The following ADGRB3 variants were observed in gnomAD, a reference collection of about 807,000 sequenced individuals.
The protein encoded by ADGRB3 is adhesion G protein-coupled receptor B3, also known as brain-specific angiogenesis inhibitor 3.
A neutral mutation model predicts 193.4 loss-of-function variants in ADGRB3; 37 were observed. The ratio of observed to expected loss-of-function variants is 0.19; its 90% CI spans 0.15 to 0.25. The LOEUF is 0.25. ADGRB3 is among the 10% of genes least tolerant of loss of function. The probability of loss-of-function intolerance (pLI) is 1.00; values close to 1 mark genes in which losing one functional copy is unlikely to be tolerated. For synonymous variants in ADGRB3, 690 were observed against 644.2 expected, an observed-to-expected ratio of 1.07 and a Z score of -1.08; for missense variants, 1,637 against 1,852.9, an observed-to-expected ratio of 0.88 and a Z score of 2.14.
intron 10 of ADGRB3, 120 bp downstream of exon 10, chr6:68,975,460 G>T: frequency 1.4e-6 from 1 of 712,388 alleles, no homozygotes. Flanking sequence ...AGAAATGCCT[G>T]AAGGAGAAAG....
chr6:68,997,903 A>AT (rs1222965194), intron 11 of ADGRB3, among the ~76,000 whole-genome samples: 2 of 152,064 alleles, frequency 1.3e-5, no homozygotes, highest in Non-Finnish European at 2.9e-5. Flanking sequence ...AAAAACATTT[A>AT]TTTTTTATAT....
chr6:69,325,153 G>A (rs1259507041), intron 21 of ADGRB3, 131 bp downstream of exon 21: 2 of 1,228,624 alleles, frequency 1.6e-6, no homozygotes, highest in Non-Finnish European at 2.2e-6. Context: ...AAATACATGA[G>A]CTGGTCAGTT....
intron 13 of ADGRB3, among the ~76,000 whole-genome samples, chr6:69,025,523 C>T (rs1770406889): frequency 7.2e-6 from 1 of 139,654 alleles, no homozygotes; most frequent in Non-Finnish European, 1.6e-5. Context: ...CACAATTTAA[C>T]TTTTTTTTTT....
intron 17 of ADGRB3, among the ~76,000 whole-genome samples, chr6:69,134,764 A>G (rs1375850577): frequency 6.6e-6 from 1 of 151,988 alleles, no homozygotes. Context: ...GTGTGTGTAT[A>G]TATATATACC....
At chr6:69,094,875 CT>C (rs1772829220) in intron 17 of ADGRB3, among the ~76,000 whole-genome samples, 1 of 152,092 alleles carries the variant, frequency 6.6e-6, no homozygotes, top group Non-Finnish European at 1.5e-5. Context: ...AAGCAGAATG[CT>C]TATTTAGATC....
chr6:69,150,972 T>A (rs912366429), intron 17 of ADGRB3, among the ~76,000 whole-genome samples: 1 of 152,318 alleles, frequency 6.6e-6, no homozygotes, highest in Admixed American at 6.5e-5. Context: ...TGAGCTAGCA[T>A]CCAAGTTGCA....
At chr6:69,221,672 G>A (rs1187183364) in intron 17 of ADGRB3, among the ~76,000 whole-genome samples, 2 of 152,064 alleles carry the variant, frequency 1.3e-5, no homozygotes, top group Admixed American at 1.3e-4. Context: ...TACTAGTTTT[G>A]TGGAATTTCG....
At chr6:69,091,549 A>G (rs1772709904) in intron 17 of ADGRB3, among the ~76,000 whole-genome samples, 1 of 152,202 alleles carries the variant, frequency 6.6e-6, no homozygotes. Flanking sequence ...ACAGAAAACC[A>G]AATACCACAG....
intron 13 of ADGRB3, among the ~76,000 whole-genome samples, chr6:69,024,208 G>T (rs1770356745): frequency 6.6e-6 from 1 of 152,090 alleles, no homozygotes; most frequent in African/African-American, 2.4e-5. Flanking sequence ...GTAGGTATAA[G>T]GAGTTCCAGG....
intron 3 of ADGRB3, among the ~76,000 whole-genome samples, chr6:68,815,759 A>G (rs1327038799): frequency 6.6e-6 from 1 of 152,110 alleles, no homozygotes; most frequent in Non-Finnish European, 1.5e-5. Context: ...TGCACGAAAT[A>G]AATTTATATT....
chr6:69,167,660 C>T (rs755146755), intron 17 of ADGRB3, among the ~76,000 whole-genome samples: 31 of 151,988 alleles, frequency 2.0e-4, no homozygotes, highest in South Asian at 4.1e-4. Flanking sequence ...GATATATTTG[C>T]GGGTATAAGA....
rs66675226 is a variant in ADGRB3, at chr6:69,011,135, ATGTGTGTG to A, written c.1930-2877_1930-2870del. On this transcript the variant is annotated intron_variant, in intron 11 of 31. Coordinates refer to ENST00000370598, the MANE Select transcript of ADGRB3 (RefSeq NM_001704.3). ...TTAGTATGTGTATATATACATATAT[ATGTGTGTG>A]TGTGTGTGTGTGTGTGTGTGTGTGT... 2.1e-4 allele frequency among the ~76,000 whole-genome samples: 30 copies of A among 145,016 alleles called. No individual in the cohort carries two copies. The East Asian group carries it at 2.6e-3, about 13-fold the overall frequency.
intron 13 of ADGRB3, among the ~76,000 whole-genome samples, chr6:69,047,524 TAC>T (rs1050301402): frequency 2.0e-5 from 3 of 151,644 alleles, no homozygotes; most frequent in African/African-American, 7.2e-5. Flanking sequence ...TATATATTTA[TAC>T]ACACACATTT....
chr6:69,088,355 G>A (rs969027232), intron 17 of ADGRB3, among the ~76,000 whole-genome samples: 1 of 152,020 alleles, frequency 6.6e-6, no homozygotes, highest in Admixed American at 6.6e-5. Context: ...GCAATCTTAT[G>A]TGTTTCTTTG....
intron 3 of ADGRB3, among the ~76,000 whole-genome samples, chr6:68,804,394 C>T (rs1767365410): frequency 6.6e-6 from 1 of 152,118 alleles, no homozygotes; most frequent in Non-Finnish European, 1.5e-5. Flanking sequence ...TCTTGTGTTG[C>T]CTTTGCACCT....
intron 11 of ADGRB3, among the ~76,000 whole-genome samples, chr6:68,996,338 G>A (rs529763766): frequency 2.8e-4 from 42 of 151,684 alleles, no homozygotes; most frequent in Admixed American, 1.4e-3. Flanking sequence ...ATCCTCCCTC[G>A]CCTGTTTACC....
rs186998041 is a variant in ADGRB3, at chr6:69,325,128, A to G, written c.2965+106A>G. The G allele has an allele frequency of 2.8e-5, 39 of 1,374,728 alleles. No homozygotes were observed. In the African/African-American group the frequency reaches 4.2e-4, roughly 15 times the overall value. The allele number at this position is 1,374,728 out of a possible 1,614,324, so 85.2% of individuals were successfully genotyped here. On this transcript the variant is annotated intron_variant, in intron 21 of 31. Transcript: ENST00000370598. Reference sequence around the variant, plus strand: ...ACACAGGCTACTTTGTGTCTAATTTAATCTATGGAAGTGAAAATACATGAG... The same window carrying G: ...ACACAGGCTACTTTGTGTCTAATTTGATCTATGGAAGTGAAAATACATGAG...
chr6:68,725,463 T>C (rs1242752907), intron 3 of ADGRB3, among the ~76,000 whole-genome samples: 2 of 151,608 alleles, frequency 1.3e-5, no homozygotes, highest in Admixed American at 1.3e-4. Context: ...AGCCAGAAGA[T>C]GATATTACCC....
chr6:68,923,017 G>A (rs1021695766), intron 3 of ADGRB3, among the ~76,000 whole-genome samples: 1 of 152,016 alleles, frequency 6.6e-6, no homozygotes, highest in Non-Finnish European at 1.5e-5. Context: ...AAGCTAAAAG[G>A]TTAAGGGAAT....
Sources: allele counts gnomAD v4.1 joint callset (sites outside exome capture counted in the v4.1 genomes callset), GRCh38; gene constraint gnomAD v4.1.1; transcripts MANE v1.5; gene names NCBI Gene and HGNC (gene_info 2026-07-23, HGNC 2026-07-21).